The following GLTPD2 variants were observed in gnomAD, a reference collection of about 807,000 sequenced individuals.
GLTPD2 encodes glycolipid transfer protein domain containing 2.
Under a neutral mutation model 12.9 loss-of-function variants are expected in GLTPD2, and 12 were observed. The observed-to-expected ratio is 0.93, with a 90% confidence interval of 0.59 to 1.50. GLTPD2 has a LOEUF of 1.50. Ranked by LOEUF, GLTPD2 falls within the 40% of genes most tolerant of loss-of-function variation. The pLI, the probability that GLTPD2 is intolerant of heterozygous loss-of-function variation, is 0.00. For synonymous variants in GLTPD2, 199 were observed against 205.6 expected, an observed-to-expected ratio of 0.97 and a Z score of 0.27; for missense variants, 450 against 426.2, an observed-to-expected ratio of 1.06 and a Z score of -0.49.
At position 4,790,236 on chromosome 17, in the gene GLTPD2, G is replaced by A. The variant is rs1463281541; in HGVS notation, c.816G>A (p.Glu272=). 1.6e-5 allele frequency: 24 copies of A among 1,487,184 alleles called. No homozygotes were observed. The highest frequency in any genetic ancestry group is 3.8e-5 in the South Asian group (3 of 79,286). The allele number at this position is 1,487,184 out of a possible 1,614,324, so 92.1% of individuals were successfully genotyped here. A position where few individuals can be genotyped will look rare whatever the true frequency, so the allele number is the denominator to read the frequency against. The stretch of plus-strand genomic sequence containing the variant: ...TGGTCCGGGCCGCCGGCACCTTGGA[G>A]GATGTCTACAACCGCACCCAGAGCC... The part of the protein sequence containing the change: ...AALVRAAGTL[E]DVYNRTQSLL... Residue 272 remains glutamate, a synonymous_variant, in exon 4 of 4, where the codon GAG becomes GAA. Coordinates refer to ENST00000331264, the MANE Select transcript of GLTPD2 (RefSeq NM_001014985.3).
Position 4,789,997 on chromosome 17 carries a change from T to G in GLTPD2, c.577T>G (p.Ser193Ala). ...CCTGCTGCACCGCGCGCTGCGCTGG[T>G]CCCAGCTCTGCCTCCACCGGGTGGC... ...LLLLHRALRWSQLCLHRVATG... is the reference protein window; with the variant it reads ...LLLLHRALRWAQLCLHRVATG... The change falls in exon 4 of 4, where the codon TCC becomes GCC. Residue 193 changes from serine (S) to alanine (A), a missense_variant. Transcript: ENST00000331264. The G allele has an allele frequency of 6.7e-7, 1 of 1,499,236 alleles. No individual in the cohort carries two copies. Among genetic ancestry groups the G allele is most frequent in the Non-Finnish European group, 8.8e-7 (1 of 1,132,042 alleles). The allele number at this position is 1,499,236 out of a possible 1,614,324, so 92.9% of individuals were successfully genotyped here.
In GLTPD2 at chr17:4,790,226, G is replaced by A. The variant is rs1298205138; in HGVS notation, c.806G>A (p.Gly269Asp). Residue 269 changes from glycine (G) to aspartate (D), a missense_variant, in exon 4 of 4, where the codon GGC becomes GAC. Transcript: ENST00000331264. The part of the protein sequence containing the change: ...EARAALVRAA[G>D]TLEDVYNRTQ... ...CGGGCCGCGCTGGTCCGGGCCGCCG[G>A]CACCTTGGAGGATGTCTACAACCGC... 6 of 1,485,846 alleles carry A rather than the reference G, an allele frequency of 4.0e-6. No homozygotes were observed. Among genetic ancestry groups the A allele is most frequent in the Non-Finnish European group, 5.3e-6 (6 of 1,125,834 alleles). 92.0% of individuals were successfully genotyped at this position (1,485,846 alleles called of 1,614,324 possible). A position where few individuals can be genotyped will look rare whatever the true frequency, so the allele number is the denominator to read the frequency against.
chr17:4,790,023 G>C lies in GLTPD2; in HGVS notation c.603G>C (p.Ala201=). The C allele has an allele frequency of 6.9e-7, 1 of 1,448,222 alleles. No homozygotes were observed. The highest frequency in any genetic ancestry group is 9.0e-7 in the Non-Finnish European group (1 of 1,110,368). The allele number at this position is 1,448,222 out of a possible 1,614,324, so 89.7% of individuals were successfully genotyped here. A position where few individuals can be genotyped will look rare whatever the true frequency, so the allele number is the denominator to read the frequency against. The part of the protein sequence containing the change: ...RWSQLCLHRV[A]TGALGGPDAG... ...CCCAGCTCTGCCTCCACCGGGTGGC[G>C]ACCGGCGCGCTGGGAGGCCCGGACG... is the stretch of plus-strand genomic sequence containing the variant. The change falls in exon 4 of 4, where the codon GCG becomes GCC. Residue 201 remains alanine (A), a synonymous_variant. Transcript: ENST00000331264.
At position 4,789,964 on chromosome 17, in the gene GLTPD2, A is replaced by T. The variant is rs1442316621; in HGVS notation, c.544A>T (p.Thr182Ser). The T allele has an allele frequency of 6.5e-7, 1 of 1,534,968 alleles. No homozygotes were observed. Among genetic ancestry groups the T allele is most frequent in the African/African-American group, 1.4e-5 (1 of 72,470 alleles). The change falls in exon 4 of 4, where the codon ACG becomes TCG. Residue 182 changes from threonine (T) to serine (S), a missense_variant. Thr to Ser is a moderately conservative substitution (Grantham distance 58). Coordinates refer to ENST00000331264, the MANE Select transcript of GLTPD2 (RefSeq NM_001014985.3). ...RDPTRSSGSR[T>S]LLLLHRALRW... Reference sequence around the variant, plus strand: ...CCCGACCCGGAGCTCGGGCTCTCGCACGCTGCTCCTGCTGCACCGCGCGCT... The same window carrying T: ...CCCGACCCGGAGCTCGGGCTCTCGCTCGCTGCTCCTGCTGCACCGCGCGCT...
At position 4,789,738 on chromosome 17, in the gene GLTPD2, C is replaced by G. The variant is rs776592049; in HGVS notation, c.339-21C>G. On this transcript the variant is annotated intron_variant, in intron 3 of 3. Coordinates refer to ENST00000331264, the MANE Select transcript of GLTPD2 (RefSeq NM_001014985.3). Reference sequence around the variant, plus strand: ...TCCTTGGCGGCTCCATCTCCATTCTCTCAAATCGTCTCGCCCGCAGGTTCC... The same window carrying G: ...TCCTTGGCGGCTCCATCTCCATTCTGTCAAATCGTCTCGCCCGCAGGTTCC... 2.5e-6 allele frequency: 4 copies of G among 1,613,546 alleles called. No homozygotes were observed. The Admixed American group carries it at 6.7e-5, about 27-fold the overall frequency.
Position 4,789,864 on chromosome 17 carries a change from C to G in GLTPD2, c.444C>G (p.Tyr148Ter). Reference protein sequence around the residue: ...ARVHGPDAEHYWSLVAMAAWE... With the variant: ...ARVHGPDAEH The stretch of plus-strand genomic sequence containing the variant: ...TGCACGGCCCGGACGCGGAGCACTA[C>G]TGGTCGCTGGTGGCCATGGCGGCGT... The change falls in exon 4 of 4, where the codon TAC (tyrosine) becomes TAG (stop). Residue 148 changes from tyrosine (Y) to a stop codon, truncating the protein, a stop_gained. Transcript: ENST00000331264. LOFTEE classifies it low-confidence loss of function (END_TRUNC). The G allele has an allele frequency of 6.3e-7, 1 of 1,594,268 alleles. No individual in the cohort carries two copies. The highest frequency in any genetic ancestry group is 8.5e-7 in the Non-Finnish European group (1 of 1,171,150).
At position 4,789,269 on chromosome 17, in the gene GLTPD2, A is replaced by G. The variant is rs368100470; in HGVS notation, c.150A>G (p.Pro50=). 18 of 1,593,416 alleles carry G rather than the reference A, an allele frequency of 1.1e-5. No individual in the cohort carries two copies. The Middle Eastern group carries it at 6.7e-4, about 59-fold the overall frequency. The change falls in exon 2 of 4, where the codon CCA becomes CCG. Residue 50 remains proline, a synonymous_variant. Coordinates refer to ENST00000331264, the MANE Select transcript of GLTPD2 (RefSeq NM_001014985.3). ...GACCCAGGGCGCAGCCCTGCGTTCC[A>G]GGGGAAACGGCGCCCTTCCAGGTAC... The part of the protein sequence containing the change: ...GCGPRAQPCV[P]GETAPFQVRQ...
In GLTPD2 at chr17:4,790,511, A is replaced by C; in HGVS notation, c.*215A>C. On this transcript the variant is annotated 3_prime_UTR_variant, in exon 4 of 4. Transcript: ENST00000331264. Reference sequence around the variant, plus strand: ...CGGGAGGAGCTGTGAGGAATAAAAAAGCAATATTTGGCAGCGTCGACGTAG... The same window carrying C: ...CGGGAGGAGCTGTGAGGAATAAAAACGCAATATTTGGCAGCGTCGACGTAG... 2 of 409,486 alleles carry C rather than the reference A, an allele frequency of 4.9e-6. No homozygotes were observed. The highest frequency in any genetic ancestry group is 8.5e-6 in the Non-Finnish European group (2 of 235,366). The allele number at this position is 409,486 out of a possible 1,614,324, so 25.4% of individuals were successfully genotyped here.
In GLTPD2 at chr17:4,789,691, C is replaced by T. The variant is rs758881903; in HGVS notation, c.338+14C>T. ...GGCACTCGTCGAGTGAGTGGCCTCC[C>T]GCCCCCCAGCCGGTCCCCGCCTCCT... is the stretch of plus-strand genomic sequence containing the variant. On this transcript the variant is annotated intron_variant, in intron 3 of 3. Coordinates refer to ENST00000331264, the MANE Select transcript of GLTPD2 (RefSeq NM_001014985.3). 18 of 1,603,984 alleles carry T rather than the reference C, an allele frequency of 1.1e-5. No individual in the cohort carries two copies. Among genetic ancestry groups the T allele is most frequent in the Admixed American group, 1.7e-5 (1 of 58,538 alleles).
rs781034539 is a variant in GLTPD2 at position 4,789,939 on chromosome 17, C to A, written c.519C>A (p.Asp173Glu). The A allele has an allele frequency of 1.8e-4, 274 of 1,540,388 alleles. No individual in the cohort carries two copies. Among genetic ancestry groups the A allele is most frequent in the Non-Finnish European group, 2.2e-4 (253 of 1,144,626 alleles). The change falls in exon 4 of 4, where the codon GAC becomes GAA. Residue 173 changes from aspartate to glutamate, a missense_variant. Asp to Glu is a conservative substitution (Grantham distance 45). Coordinates refer to ENST00000331264, the MANE Select transcript of GLTPD2 (RefSeq NM_001014985.3). ...LLEQPGAAPR[D>E]PTRSSGSRTL... ...AGCAGCCGGGGGCGGCCCCCCGGGACCCGACCCGGAGCTCGGGCTCTCGCA... is the reference window on the plus strand; with the variant it reads ...AGCAGCCGGGGGCGGCCCCCCGGGAACCGACCCGGAGCTCGGGCTCTCGCA...
chr17:4,790,035 G>T lies in GLTPD2; in HGVS notation c.615G>T (p.Leu205=), dbSNP rs1295094561. The T allele has an allele frequency of 7.0e-7, 1 of 1,437,542 alleles. No homozygotes were observed. The highest frequency in any genetic ancestry group is 9.0e-7 in the Non-Finnish European group (1 of 1,105,700). 89.0% of individuals were successfully genotyped at this position (1,437,542 alleles called of 1,614,324 possible). The change falls in exon 4 of 4, where the codon CTG becomes CTT. Residue 205 remains leucine (L), a synonymous_variant. Transcript: ENST00000331264. ...LCLHRVATGA[L]GGPDAGVQCS... is the part of the protein sequence containing the mutation. ...TCCACCGGGTGGCGACCGGCGCGCT[G>T]GGAGGCCCGGACGCGGGCGTGCAGT...
In GLTPD2 at chr17:4,789,071, C is replaced by G. The variant is rs763047080; in HGVS notation, c.60C>G (p.Leu20=). 9 of 1,613,990 alleles carry G rather than the reference C, an allele frequency of 5.6e-6. No homozygotes were observed. In the East Asian group the frequency reaches 2.0e-4, roughly 36 times the overall value. ...LRHWFSHSIP[L]AIFALLLLYL... ...ACTGGTTCAGCCACTCAATTCCTCT[C>G]GCTATCTTCGCGCTGCTGCTGCTTT... The change falls in exon 1 of 4, where the codon CTC becomes CTG. Residue 20 remains leucine, a synonymous_variant. Transcript: ENST00000331264.
rs1917642048 is a variant in GLTPD2, at chr17:4,790,433, C to T, written c.*137C>T. 2 of 630,228 alleles carry T rather than the reference C, an allele frequency of 3.2e-6. No individual in the cohort carries two copies. Among genetic ancestry groups the T allele is most frequent in the Non-Finnish European group, 4.7e-6 (2 of 425,774 alleles). 39.0% of individuals were successfully genotyped at this position (630,228 alleles called of 1,614,324 possible). A position where few individuals can be genotyped will look rare whatever the true frequency, so the allele number is the denominator to read the frequency against. ...TCCGTGACGTCGCCGCGGCGAGGGC[C>T]GCCCCCGGCAGGGAATGGCGTTGAG... On this transcript the variant is annotated 3_prime_UTR_variant, in exon 4 of 4. Transcript: ENST00000331264.
In GLTPD2 at chr17:4,789,033, C is replaced by A. The variant is rs150761183; in HGVS notation, c.22C>A (p.Pro8Thr). Residue 8 changes from proline to threonine, a missense_variant, in exon 1 of 4, where the codon CCA (proline) becomes ACA (threonine). Transcript: ENST00000331264. ...AGGCATGGGAGTGGCGGCGCGGCCC[C>A]CAGCCCTGCGGCACTGGTTCAGCCA... MGVAARPPALRHWFSHSI... is the reference protein window; with the variant it reads MGVAARPTALRHWFSHSI... 3.1e-6 allele frequency: 5 copies of A among 1,613,048 alleles called. No individual in the cohort carries two copies. In the African/African-American group the frequency reaches 6.7e-5, roughly 22 times the overall value.
intron 1 of GLTPD2, 32 bp downstream of exon 1, chr17:4,789,149 A>G (rs1288267066): frequency 6.2e-7 from 1 of 1,610,750 alleles, no homozygotes; most frequent in Admixed American, 1.7e-5. Context: ...TTGCTCCGGG[A>G]GGAAGCCCGG....
chr17:4,789,354 C>A, intron 2 of GLTPD2, 64 bp downstream of exon 2: 1 of 1,522,826 alleles, frequency 6.6e-7, no homozygotes, highest in South Asian at 1.2e-5. Flanking sequence ...GGACGTGGAG[C>A]CAGGCTGAGG....
rs1722678574 is a variant in GLTPD2, at chr17:4,789,752, C to G, written c.339-7C>G. 3.1e-6 allele frequency: 5 copies of G among 1,613,678 alleles called. No homozygotes were observed. The highest frequency in any genetic ancestry group is 1.3e-5 in the African/African-American group (1 of 75,074). On this transcript the variant is annotated splice_polypyrimidine_tract_variant and splice_region_variant and intron_variant, in intron 3 of 3. Transcript: ENST00000331264. ...ATCTCCATTCTCTCAAATCGTCTCG[C>G]CCGCAGGTTCCTGACTCCCCTCGGC...
rs539077741 is a variant in GLTPD2 at position 4,790,574 on chromosome 17, TA to T, written c.*284del. 2.0e-5 allele frequency among the ~76,000 whole-genome samples: 3 copies of T among 151,768 alleles called. No homozygotes were observed. The highest frequency in any genetic ancestry group is 2.0e-4 in the Admixed American group (3 of 15,248). On this transcript the variant is annotated 3_prime_UTR_variant, in exon 4 of 4. Coordinates refer to ENST00000331264, the MANE Select transcript of GLTPD2 (RefSeq NM_001014985.3). ...GATGACGACAGGCGCTTAAGGGAAA[TA>T]AAAAACGAAGGTGAGAAGATGTGTC...
chr17:4,789,808 T>G lies in GLTPD2; in HGVS notation c.388T>G (p.Phe130Val). The G allele has an allele frequency of 6.2e-7, 1 of 1,612,090 alleles. No individual in the cohort carries two copies. The highest frequency in any genetic ancestry group is 1.7e-4 in the Middle Eastern group (1 of 6,056). ...CTTCGCCTTCGCCACTAGGGAGGCC[T>G]TCACCAAGGTGACAGACCTGGAGGC... ...SVFAFATREAFTKVTDLEARV... is the reference protein window; with the variant it reads ...SVFAFATREAVTKVTDLEARV... The change falls in exon 4 of 4, where the codon TTC (phenylalanine) becomes GTC (valine). Residue 130 changes from phenylalanine to valine, a missense_variant. Transcript: ENST00000331264.
Sources: gnomAD v4.1 joint callset for allele counts (sites outside exome capture counted in the v4.1 genomes callset) on GRCh38, gnomAD v4.1.1 for gene constraint, MANE v1.5 for transcripts, NCBI Gene and HGNC (gene_info 2026-07-23, HGNC 2026-07-21) for gene names.